SAMD5: variants seen among roughly 807,000 people sequenced by gnomAD.
SAMD5 encodes sterile alpha motif domain-containing protein 5.
A neutral mutation model predicts 11.3 loss-of-function variants in SAMD5; 13 were observed. The ratio of observed to expected loss-of-function variants is 1.15; its 90% confidence interval spans 0.75 to 1.83. The LOEUF (loss-of-function observed/expected upper bound fraction) is 1.83, where lower values mean the gene tolerates loss of function less well. SAMD5 is among the 40% of genes most tolerant of loss of function. The pLI, the probability that SAMD5 is intolerant of heterozygous loss-of-function variation, is 0.00. For synonymous variants in SAMD5, 129 were observed against 111.3 expected, an observed-to-expected ratio of 1.16 and a Z score of -1.00; for missense variants, 255 against 239.1, an observed-to-expected ratio of 1.07 and a Z score of -0.44.
At chr6:147,899,215 T>C in the SAMD5 span, among the ~76,000 whole-genome samples, 7 of 148,038 alleles carry the variant, frequency 4.7e-5, no homozygotes, top group African/African-American at 1.8e-4. Flanking sequence ...AACAGTGCAT[T>C]GAAAACTGTA....
chr6:147,901,628 A>AG, the SAMD5 span, among the ~76,000 whole-genome samples: 1 of 19,758 alleles, frequency 5.1e-5, no homozygotes, highest in Admixed American at 6.0e-4. Context: ...TTCTGGAACT[A>AG]AAGTATGAGG....
Position 147,567,601 on chromosome 6 carries a change from G to A in SAMD5, c.*3145G>A, listed in dbSNP as rs1164660516. On this transcript the variant is annotated 3_prime_UTR_variant, in exon 2 of 2. Transcript: ENST00000367474. Reference sequence around the variant, plus strand: ...GTTCTATGGCTTACACCCACATACAGTCCTTGGCTCAGTGCTAGGCATGTA... The same window carrying A: ...GTTCTATGGCTTACACCCACATACAATCCTTGGCTCAGTGCTAGGCATGTA... 3 of 957,930 alleles carry A rather than the reference G, an allele frequency of 3.1e-6. No homozygotes were observed. The African/African-American group carries it at 5.3e-5, about 17-fold the overall frequency. The allele number at this position is 957,930 out of a possible 1,614,324, so 59.3% of individuals were successfully genotyped here.
At chr6:147,538,280 C>T (rs1788545252) in intron 1 of SAMD5, among the ~76,000 whole-genome samples, 1 of 152,154 alleles carries the variant, frequency 6.6e-6, no homozygotes, top group South Asian at 2.1e-4. Context: ...GCATTACAAA[C>T]CCTTTCACTT....
At chr6:147,929,610 C>T in the SAMD5 span, among the ~76,000 whole-genome samples, 1 of 151,986 alleles carries the variant, frequency 6.6e-6, no homozygotes, top group African/African-American at 2.4e-5. Context: ...TTAGACATGG[C>T]ATCACTGGTG....
chr6:147,561,937 T>C (rs543956371), intron 1 of SAMD5, among the ~76,000 whole-genome samples: 1 of 152,310 alleles, frequency 6.6e-6, no homozygotes, highest in East Asian at 1.9e-4. Flanking sequence ...TGCTCTCACA[T>C]CTTGAAACTC....
At chr6:147,923,545 G>T in the SAMD5 span, among the ~76,000 whole-genome samples, 2 of 152,180 alleles carry the variant, frequency 1.3e-5, no homozygotes, top group South Asian at 4.1e-4. Context: ...TTTCGGTTTA[G>T]ATTTTGGTCT....
the SAMD5 span, among the ~76,000 whole-genome samples, chr6:147,765,048 C>T: frequency 6.6e-6 from 1 of 152,170 alleles, no homozygotes; most frequent in South Asian, 2.1e-4. Context: ...AGCTTGTCTG[C>T]TCTGTGCAAA....
intron 1 of SAMD5, among the ~76,000 whole-genome samples, chr6:147,653,913 A>C (rs1482604013): frequency 1.3e-5 from 2 of 152,210 alleles, no homozygotes; most frequent in Non-Finnish European, 2.9e-5. Flanking sequence ...CATGGAGAAG[A>C]GAAGTTGCCT....
At chr6:147,887,764 C>T in the SAMD5 span, among the ~76,000 whole-genome samples, 97 of 152,128 alleles carry the variant, frequency 6.4e-4, no homozygotes, top group Admixed American at 3.1e-3. Flanking sequence ...TTTTTCAAAA[C>T]TGTTGTACCA....
the SAMD5 span, among the ~76,000 whole-genome samples, chr6:147,934,745 A>G: frequency 6.6e-6 from 1 of 152,098 alleles, no homozygotes; most frequent in Non-Finnish European, 1.5e-5. Context: ...TCAGGCTCTC[A>G]TGGGGATTGT....
At chr6:147,524,332 T>G (rs1480777399) in intron 1 of SAMD5, among the ~76,000 whole-genome samples, 1 of 152,096 alleles carries the variant, frequency 6.6e-6, no homozygotes, top group Non-Finnish European at 1.5e-5. Flanking sequence ...CATAGCTGGT[T>G]TTGGATGAGC....
chr6:147,631,972 G>T (rs1172155294), intron 1 of SAMD5, among the ~76,000 whole-genome samples: 1 of 152,192 alleles, frequency 6.6e-6, no homozygotes, highest in Non-Finnish European at 1.5e-5. Flanking sequence ...ATAGAATGGG[G>T]CTATGAGGAT....
At chr6:147,850,234 C>T in the SAMD5 span, among the ~76,000 whole-genome samples, 3,886 of 152,006 alleles carry the variant, frequency 0.026, 69 homozygotes, top group Middle Eastern at 0.048. Context: ...GTACTTATTG[C>T]GTTAATTAAA....
At chr6:147,807,285 A>G in the SAMD5 span, among the ~76,000 whole-genome samples, 1 of 151,650 alleles carries the variant, frequency 6.6e-6, no homozygotes, top group East Asian at 1.9e-4. Context: ...TTGTACTTTT[A>G]GTAGAGACAG....
chr6:147,779,536 C>A, the SAMD5 span, among the ~76,000 whole-genome samples: 1 of 150,752 alleles, frequency 6.6e-6, no homozygotes, highest in Admixed American at 6.6e-5. Flanking sequence ...CACTCTGTCA[C>A]CCAGGCTGGA....
the SAMD5 span, among the ~76,000 whole-genome samples, chr6:147,779,760 G>A: frequency 6.6e-6 from 1 of 152,236 alleles, no homozygotes; most frequent in African/African-American, 2.4e-5. Context: ...GAAGATGGAT[G>A]TGGGCTCAAG....
At chr6:147,808,127 G>T in the SAMD5 span, among the ~76,000 whole-genome samples, 1 of 152,236 alleles carries the variant, frequency 6.6e-6, no homozygotes. Context: ...TCTATGGTCA[G>T]TTCCATGAAA....
intron 1 of SAMD5, among the ~76,000 whole-genome samples, chr6:147,538,809 CTG>C (rs1356480963): frequency 3.1e-4 from 47 of 152,272 alleles, no homozygotes; most frequent in African/African-American, 1.1e-3. Context: ...ATTTTTAAAA[CTG>C]TCCTTATTTC....
rs61482319 is a variant in SAMD5, at chr6:147,734,711, T to TAAAAAA, written c.163-2580_163-2575dup. Among the ~76,000 whole-genome samples the TAAAAAA allele has an allele frequency of 6.3e-3, 164 of 26,118 alleles. 18 individuals are homozygous for TAAAAAA. The highest frequency in any genetic ancestry group is 9.8e-3 in the African/African-American group (105 of 10,724). 17.1% of individuals were successfully genotyped at this position (26,118 alleles called of 152,430 possible). A position where few individuals can be genotyped will look rare whatever the true frequency, so the allele number is the denominator to read the frequency against. On this transcript the variant is annotated intron_variant, in intron 1 of 1. Transcript: ENST00000566741. ...CTGGGCGGCAGAGCGAGACTCCATCTAAAAAAAAAAAAAAAAAAAAAAAAA... is the reference window on the plus strand; with the variant it reads ...CTGGGCGGCAGAGCGAGACTCCATCTAAAAAAAAAAAAAAAAAAAAAAAAAAAAAAA...
Sources: allele counts gnomAD v4.1 joint callset (sites outside exome capture counted in the v4.1 genomes callset), GRCh38; gene constraint gnomAD v4.1.1; transcripts MANE v1.5; gene names NCBI Gene and HGNC (gene_info 2026-07-23, HGNC 2026-07-21).